The following ZNF341 variants were observed in gnomAD, a reference collection of about 807,000 sequenced individuals.
ZNF341 encodes zinc finger protein 341.
ZNF341 carries 52 observed loss-of-function variants against 87.7 expected under a neutral mutation model. The observed-to-expected ratio is 0.59, with a 90% CI of 0.47 to 0.75. The LOEUF is 0.75. ZNF341 is among the 30% of genes least tolerant of loss of function. The pLI is 0.00. For synonymous variants in ZNF341, 459 were observed against 472.7 expected, an observed-to-expected ratio of 0.97 and a Z score of 0.38; for missense variants, 977 against 1,145.9, an observed-to-expected ratio of 0.85 and a Z score of 2.13.
In ZNF341 at chr20:33,753,296, GC is replaced by G; in HGVS notation, c.620del (p.Pro207LeufsTer40). The G allele has an allele frequency of 6.2e-7, 1 of 1,611,550 alleles. No homozygotes were observed. ...CCACCACCTCCACCCCAGAGCCTGG[GC>G]CCCCCTGGGCGTCCCAACCCTGGTG... Reference protein sequence around the residue: ...QPPPPPPQSLGPPGRPNPGGN... With the variant: ...QPPPPPPQSLXPPGRPNPGGN... On this transcript the variant is annotated frameshift_variant, in exon 5 of 15. Transcript: ENST00000375200. LOFTEE classifies it high-confidence loss of function.
intron 12 of ZNF341, among the ~76,000 whole-genome samples, chr20:33,785,243 A>C (rs1477940167): frequency 6.6e-6 from 1 of 152,152 alleles, no homozygotes; most frequent in African/African-American, 2.4e-5. Flanking sequence ...TAAAAAATAC[A>C]TTTCATATTG....
At chr20:33,759,864 C>T (rs2019257045) in intron 7 of ZNF341, among the ~76,000 whole-genome samples, 3 of 152,096 alleles carry the variant, frequency 2.0e-5, no homozygotes. Context: ...GGTTTTTCAG[C>T]CTTGCCACTA....
chr20:33,741,606 T>C (rs2018805169), intron 2 of ZNF341, among the ~76,000 whole-genome samples: 1 of 152,076 alleles, frequency 6.6e-6, no homozygotes, highest in Admixed American at 6.6e-5. Context: ...GGTTTCACCA[T>C]GTTGGCCAGG....
Position 33,732,155 on chromosome 20 carries a change from GA to G in ZNF341, c.31+104del, listed in dbSNP as rs1391687973. The stretch of plus-strand genomic sequence containing the variant: ...TAGGGCGCGCAGCGGCCGCGGGGCG[GA>G]GGGCGCCGGGGCTGGAACAGCCGCG... On this transcript the variant is annotated intron_variant, in intron 1 of 14. Transcript: ENST00000375200. The surrounding 1 kb of genome is among the most constrained non-coding windows in gnomAD (Gnocchi z 4.5). 2.2e-6 allele frequency: 2 copies of G among 929,128 alleles called. No homozygotes were observed. Among genetic ancestry groups the G allele is most frequent in the African/African-American group, 3.6e-5 (2 of 55,844 alleles). The allele number at this position is 929,128 out of a possible 1,614,324, so 57.6% of individuals were successfully genotyped here. A position where few individuals can be genotyped will look rare whatever the true frequency, so the allele number is the denominator to read the frequency against.
Position 33,741,020 on chromosome 20 carries a change from T to C in ZNF341, c.142+8T>C. 6.2e-7 allele frequency: 1 copy of C among 1,613,154 alleles called. No homozygotes were observed. Among genetic ancestry groups the C allele is most frequent in the South Asian group, 1.1e-5 (1 of 91,060 alleles). ...CTGCTATCCAGCCATTGGGTGAGTA[T>C]CTGCTCAGGTTCACCGGTGGGAGAG... On this transcript the variant is annotated splice_region_variant and intron_variant, in intron 2 of 14. Transcript: ENST00000375200.
In ZNF341 at chr20:33,745,236, C is replaced by T. The variant is rs1443089131; in HGVS notation, c.276C>T (p.Ser92=). 6.2e-7 allele frequency: 1 copy of T among 1,614,236 alleles called. No homozygotes were observed. Among genetic ancestry groups the T allele is most frequent in the East Asian group, 2.2e-5 (1 of 44,888 alleles). Residue 92 remains serine (S), a synonymous_variant, in exon 3 of 15, where the codon AGC becomes AGT. Transcript: ENST00000375200. ...ALATVSLATN[S]IYPPSAAPTA... is the part of the protein sequence containing the mutation. ...CCACAGTCTCACTGGCCACCAACAGCATCTACCCACCTTCGGCAGCACCCA... is the reference window on the plus strand; with the variant it reads ...CCACAGTCTCACTGGCCACCAACAGTATCTACCCACCTTCGGCAGCACCCA...
chr20:33,774,713 A>G (rs2019596273), intron 10 of ZNF341, among the ~76,000 whole-genome samples: 1 of 152,150 alleles, frequency 6.6e-6, no homozygotes, highest in South Asian at 2.1e-4. Context: ...TATGCCTGTA[A>G]TCCTAGCACT....
chr20:33,738,715 A>T (rs2018743602), intron 1 of ZNF341, among the ~76,000 whole-genome samples: 1 of 152,090 alleles, frequency 6.6e-6, no homozygotes, highest in Admixed American at 6.6e-5. Flanking sequence ...CCCTCATGGG[A>T]TACTTGCCAT....
intron 3 of ZNF341, among the ~76,000 whole-genome samples, chr20:33,748,002 T>C (rs935869420): frequency 1.3e-5 from 2 of 151,504 alleles, no homozygotes; most frequent in African/African-American, 4.9e-5. Context: ...CCAGATATTC[T>C]TCTTGACCTA....
chr20:33,772,337 A>G (rs886925901), intron 10 of ZNF341, among the ~76,000 whole-genome samples: 4 of 152,084 alleles, frequency 2.6e-5, no homozygotes, highest in African/African-American at 9.7e-5. Context: ...ATATTTTCCC[A>G]TTACAGTGGT....
intron 7 of ZNF341, among the ~76,000 whole-genome samples, 176 bp from the exon 8 acceptor site, chr20:33,761,686 G>C (rs1339824547): frequency 2.6e-5 from 4 of 152,212 alleles, no homozygotes; most frequent in African/African-American, 9.6e-5. Flanking sequence ...CCGGAACCCA[G>C]GGTCTTTCCA....
chr20:33,788,549 C>T, intron 12 of ZNF341: 1 of 404,462 alleles, frequency 2.5e-6, no homozygotes, highest in Admixed American at 3.6e-5. Context: ...CCCTGTTGTT[C>T]ATCAGCACCG....
At chr20:33,748,769 C>T (rs915529719) in intron 3 of ZNF341, among the ~76,000 whole-genome samples, 154 bp from the exon 4 acceptor site, 10 of 152,228 alleles carry the variant, frequency 6.6e-5, no homozygotes, top group Admixed American at 6.5e-4. Context: ...AAATGGAATC[C>T]ACGTCTGTGG....
Position 33,791,720 on chromosome 20 carries a change from G to A in ZNF341, c.*203G>A. On this transcript the variant is annotated 3_prime_UTR_variant, in exon 15 of 15. Coordinates refer to ENST00000375200, the MANE Select transcript of ZNF341 (RefSeq NM_001282933.2). ...GCCGGAAAGCCCTGCAACATTCTAG[G>A]GTTGGGGGCAGGGCCATCCACGGTT... The A allele has an allele frequency of 3.4e-6, 2 of 589,538 alleles. No homozygotes were observed. The highest frequency in any genetic ancestry group is 3.7e-5 in the African/African-American group (2 of 54,234). 36.5% of individuals were successfully genotyped at this position (589,538 alleles called of 1,614,324 possible).
intron 10 of ZNF341, among the ~76,000 whole-genome samples, chr20:33,779,491 C>T (rs1285728384): frequency 2.0e-5 from 3 of 149,240 alleles, no homozygotes; most frequent in Non-Finnish European, 4.4e-5. Flanking sequence ...CACTGTGTCG[C>T]CCAGGCTGGA....
At chr20:33,781,155 AT>A in intron 10 of ZNF341, 135 bp from the exon 11 acceptor site, 1 of 713,240 alleles carries the variant, frequency 1.4e-6, no homozygotes, top group East Asian at 2.5e-5. Flanking sequence ...GGCAGTGGCA[AT>A]TGAGAAGAGT....
intron 4 of ZNF341, among the ~76,000 whole-genome samples, chr20:33,750,813 G>A (rs2019039922): frequency 6.6e-6 from 1 of 152,076 alleles, no homozygotes; most frequent in African/African-American, 2.4e-5. Flanking sequence ...GCTAATTTTT[G>A]TACTTTTAGT....
In ZNF341 at chr20:33,783,800, C is replaced by T; in HGVS notation, c.1788C>T (p.Cys596=). The T allele has an allele frequency of 6.2e-7, 1 of 1,613,756 alleles. No homozygotes were observed. Among genetic ancestry groups the T allele is most frequent in the Non-Finnish European group, 8.5e-7 (1 of 1,179,856 alleles). The part of the protein sequence containing the change: ...PTHGSGGRFK[C]QVCKKFFRRE... ...ACGGCAGCGGGGGCAGGTTCAAGTG[C>T]CAAGTGTGCAAGAAGTTCTTCCGGC... Residue 596 remains cysteine (C), a synonymous_variant, in exon 12 of 15, where the codon TGC becomes TGT. Coordinates refer to ENST00000375200, the MANE Select transcript of ZNF341 (RefSeq NM_001282933.2).
Position 33,757,264 on chromosome 20 carries a change from CG to C in ZNF341, c.863del (p.Gly288AlafsTer12). 5 of 1,605,974 alleles carry C rather than the reference CG, an allele frequency of 3.1e-6. No homozygotes were observed. The highest frequency in any genetic ancestry group is 1.7e-5 in the Admixed American group (1 of 58,520). ...NPAAPMTSAT[G>X]GTVATFDSPA... is the part of the protein sequence containing the mutation. Reference sequence around the variant, plus strand: ...CCGCCGCCCCCATGACCAGCGCCACCGGGGGCACGGTGGCCACCTTTGACTC... The same window carrying C: ...CCGCCGCCCCCATGACCAGCGCCACCGGGGCACGGTGGCCACCTTTGACTC... On this transcript the variant is annotated frameshift_variant, in exon 6 of 15. Transcript: ENST00000375200. LOFTEE classifies it high-confidence loss of function.
Sources: gnomAD v4.1 joint callset for allele counts (sites outside exome capture counted in the v4.1 genomes callset) on GRCh38, gnomAD v4.1.1 for gene constraint, Gnocchi (gnomAD v3.1) non-coding constraint, MANE v1.5 for transcripts, NCBI Gene and HGNC (gene_info 2026-07-23, HGNC 2026-07-21) for gene names.